EPHA2: variants seen among roughly 807,000 people sequenced by gnomAD.
EPHA2 encodes the protein EPH receptor A2, also known as ephrin type-A receptor 2.
A neutral mutation model predicts 104.9 loss-of-function variants in EPHA2; 54 were observed. The ratio of observed to expected loss-of-function variants is 0.51; its 90% CI spans 0.41 to 0.65. EPHA2 has a LOEUF of 0.65. Ranked by LOEUF, EPHA2 falls within the 30% of genes least tolerant of loss-of-function variation. EPHA2 has a pLI of 0.00. For missense variants in EPHA2, 1,117 were observed against 1,369.5 expected (o/e 0.82, Z 2.91); for synonymous variants, 560 against 559.1 (o/e 1.00, Z -0.02).
Position 16,155,972 on chromosome 1 carries a change from G to A in EPHA2, c.-40C>T. On this transcript the variant is annotated 5_prime_UTR_variant, in exon 1 of 17. Transcript: ENST00000358432. ...TCTCGGTCCGATCCCCCCGAGCCCG[G>A]CTCCCGCACACCCGCACGCCTGCAC... 1 of 1,458,746 alleles carries A rather than the reference G, an allele frequency of 6.9e-7. No individual in the cohort carries two copies. Among genetic ancestry groups the A allele is most frequent in the Non-Finnish European group, 9.0e-7 (1 of 1,108,394 alleles). The allele number at this position is 1,458,746 out of a possible 1,614,324, so 90.4% of individuals were successfully genotyped here.
rs1211474321 is a variant in EPHA2, at chr1:16,124,760, G to A, written c.*455C>T. On this transcript the variant is annotated 3_prime_UTR_variant, in exon 17 of 17. Transcript: ENST00000358432. The stretch of plus-strand genomic sequence containing the variant: ...AGAAGGCACTAGAGGGACAGGGACC[G>A]CTTTGGGTCTCACCCAGTCAAGTTC... 1 of 182,752 alleles carries A rather than the reference G, an allele frequency of 5.5e-6. No individual in the cohort carries two copies. Among genetic ancestry groups the A allele is most frequent in the Non-Finnish European group, 1.2e-5 (1 of 84,638 alleles). The allele number at this position is 182,752 out of a possible 1,614,324, so 11.3% of individuals were successfully genotyped here.
rs2024926284 is a variant in EPHA2, at chr1:16,146,056, G to A, written c.823+2322C>T. Among the ~76,000 whole-genome samples the A allele has an allele frequency of 2.6e-5, 4 of 152,362 alleles. 1 individual carries two copies. In the South Asian group the frequency reaches 8.3e-4, roughly 32 times the overall value. On this transcript the variant is annotated intron_variant, in intron 3 of 16. Transcript: ENST00000358432. ...GCGACTGTCATCACTTCCAGCAGCA[G>A]CATGGCCAGGGGCTGCTGAGAGAAG... is the stretch of plus-strand genomic sequence containing the variant.
At position 16,130,470 on chromosome 1, in the gene EPHA2, C is replaced by T. The variant is rs745459653; in HGVS notation, c.2476-51G>A. 3 of 1,502,486 alleles carry T rather than the reference C, an allele frequency of 2.0e-6. No homozygotes were observed. Among genetic ancestry groups the T allele is most frequent in the Admixed American group, 2.2e-5 (1 of 46,048 alleles). 93.1% of individuals were successfully genotyped at this position (1,502,486 alleles called of 1,614,324 possible). ...GCTGTTGCAGAAAGCCACTGAAACC[C>T]TCTGCAGCCTCCAGCCTATGGAGGT... On this transcript the variant is annotated intron_variant, in intron 14 of 16. Transcript: ENST00000358432. This position sits in a 1 kb window ranked among gnomAD's most constrained non-coding sequence, Gnocchi z 4.5.
At chr1:16,126,194 C>T (rs1239493214) in intron 16 of EPHA2, among the ~76,000 whole-genome samples, 1 of 152,174 alleles carries the variant, frequency 6.6e-6, no homozygotes, top group Admixed American at 6.5e-5. Context: ...ACACGCTCTC[C>T]TGGGGCCCCC....
rs1179569761 is a variant in EPHA2, at chr1:16,155,875, C to A, written c.58G>T (p.Ala20Ser). The A allele has an allele frequency of 9.6e-6, 14 of 1,461,916 alleles. No homozygotes were observed. The highest frequency in any genetic ancestry group is 1.2e-5 in the Non-Finnish European group (13 of 1,113,810). 90.6% of individuals were successfully genotyped at this position (1,461,916 alleles called of 1,614,324 possible). A position where few individuals can be genotyped will look rare whatever the true frequency, so the allele number is the denominator to read the frequency against. Reference protein sequence around the residue: ...FALLWGCALAAAAAAQGKEVV... With the variant: ...FALLWGCALASAAAAQGKEVV... Reference sequence around the variant, plus strand: ...TCCTTGCCCTGCGCCGCCGCGGCCGCGGCCAGCGCACAGCCCCACAGCAGG... The same window carrying A: ...TCCTTGCCCTGCGCCGCCGCGGCCGAGGCCAGCGCACAGCCCCACAGCAGG... The change falls in exon 1 of 17, where the codon GCG becomes TCG. Residue 20 changes from alanine to serine, a missense_variant. By Grantham distance (99) the Ala-to-Ser change is moderately conservative. Coordinates refer to ENST00000358432, the MANE Select transcript of EPHA2 (RefSeq NM_004431.5).
chr1:16,153,227 A>T, intron 1 of EPHA2: 1 of 985,288 alleles, frequency 1.0e-6, no homozygotes, highest in Non-Finnish European at 1.2e-6. Context: ...TCTTCCACAA[A>T]TGCAGGACTG....
In EPHA2 at chr1:16,143,691, G is replaced by A. The variant is rs530141696; in HGVS notation, c.823+4687C>T. Among the ~76,000 whole-genome samples the A allele has an allele frequency of 4.6e-5, 7 of 152,286 alleles. No homozygotes were observed. In the South Asian group the frequency reaches 1.5e-3, roughly 32 times the overall value. On this transcript the variant is annotated intron_variant, in intron 3 of 16. Coordinates refer to ENST00000358432, the MANE Select transcript of EPHA2 (RefSeq NM_004431.5). ...CAGGCTGGCAATGGCAAGGTTGTGA[G>A]GTCAAGAGGTCATGGTGGCAATTCA... is the stretch of plus-strand genomic sequence containing the variant.
At chr1:16,126,322 C>A (rs1263496141) in intron 16 of EPHA2, among the ~76,000 whole-genome samples, 1 of 152,214 alleles carries the variant, frequency 6.6e-6, no homozygotes, top group Admixed American at 6.5e-5. Context: ...CTAGCCCAAA[C>A]CCATGAAAAC....
chr1:16,127,146 C>G (rs1033861625), intron 16 of EPHA2, among the ~76,000 whole-genome samples: 1 of 152,048 alleles, frequency 6.6e-6, no homozygotes, highest in Non-Finnish European at 1.5e-5. Flanking sequence ...TGCAGGGAGA[C>G]GGGAGTAAGA....
chr1:16,152,067 G>C (rs1392270772), intron 1 of EPHA2, among the ~76,000 whole-genome samples: 2 of 152,226 alleles, frequency 1.3e-5, no homozygotes, highest in Non-Finnish European at 2.9e-5. Context: ...GGAGATAGGA[G>C]AAACCGGGGC....
Position 16,130,430 on chromosome 1 carries a change from A to T in EPHA2, c.2476-11T>A. 1 of 1,543,460 alleles carries T rather than the reference A, an allele frequency of 6.5e-7. No individual in the cohort carries two copies. Among genetic ancestry groups the T allele is most frequent in the Non-Finnish European group, 8.8e-7 (1 of 1,141,800 alleles). On this transcript the variant is annotated splice_polypyrimidine_tract_variant and intron_variant, in intron 14 of 16. Transcript: ENST00000358432. This position sits in a 1 kb window ranked among gnomAD's most constrained non-coding sequence, Gnocchi z 4.5. ...GATGGCTTTCATCACCTGGCGGGGC[A>T]CGAAGGTCAGGGGCGCTGTTGCAGA... is the stretch of plus-strand genomic sequence containing the variant.
rs968776397 is a variant in EPHA2, at chr1:16,124,635, A to T, written c.*580T>A. On this transcript the variant is annotated 3_prime_UTR_variant, in exon 17 of 17. Coordinates refer to ENST00000358432, the MANE Select transcript of EPHA2 (RefSeq NM_004431.5). ...ACACATTCTCTCCACAAAGTACAAAATATATATTTAAAAACCTCAACACAA... is the reference window on the plus strand; with the variant it reads ...ACACATTCTCTCCACAAAGTACAAATTATATATTTAAAAACCTCAACACAA... 6.4e-6 allele frequency: 1 copy of T among 155,408 alleles called. No homozygotes were observed. The highest frequency in any genetic ancestry group is 2.4e-5 in the African/African-American group (1 of 41,470). 9.6% of individuals were successfully genotyped at this position (155,408 alleles called of 1,614,324 possible).
chr1:16,143,017 G>A (rs62653852), intron 3 of EPHA2, among the ~76,000 whole-genome samples: 116 of 54,734 alleles, frequency 2.1e-3, no homozygotes, highest in Middle Eastern at 8.8e-3. Context: ...GGATGGATGG[G>A]TGGATAGGTG....
intron 3 of EPHA2, among the ~76,000 whole-genome samples, chr1:16,142,355 T>C (rs1307243986): frequency 6.6e-6 from 1 of 152,248 alleles, no homozygotes; most frequent in African/African-American, 2.4e-5. Flanking sequence ...TATGCTCCAT[T>C]TGAAATTATT....
intron 3 of EPHA2, among the ~76,000 whole-genome samples, chr1:16,139,553 G>A (rs773262814): frequency 2.0e-5 from 3 of 152,188 alleles, no homozygotes; most frequent in Admixed American, 6.5e-5. Context: ...CAAGACAGAG[G>A]GAGGAAACAA....
chr1:16,155,909 G>C lies in EPHA2; in HGVS notation c.24C>G (p.Ala8=). ...CACAGCCCCACAGCAGGGCGAAGCA[G>C]GCGCGGGCTGCCTGGAGCTCCATGC... MELQAAR[A]CFALLWGCAL... Residue 8 remains alanine, a synonymous_variant, in exon 1 of 17, where the codon GCC becomes GCG. Coordinates refer to ENST00000358432, the MANE Select transcript of EPHA2 (RefSeq NM_004431.5). 1 of 1,489,244 alleles carries C rather than the reference G, an allele frequency of 6.7e-7. No homozygotes were observed. The highest frequency in any genetic ancestry group is 8.9e-7 in the Non-Finnish European group (1 of 1,127,234). 92.3% of individuals were successfully genotyped at this position (1,489,244 alleles called of 1,614,324 possible). A position where few individuals can be genotyped will look rare whatever the true frequency, so the allele number is the denominator to read the frequency against.
intron 3 of EPHA2, among the ~76,000 whole-genome samples, chr1:16,141,015 G>A (rs2124237410): frequency 6.6e-6 from 1 of 152,324 alleles, no homozygotes; most frequent in African/African-American, 2.4e-5. Flanking sequence ...TTACAGGCGT[G>A]AGCCACCTCA....
Position 16,128,840 on chromosome 1 carries a change from C to A in EPHA2, c.2825+594G>T, listed in dbSNP as rs57471177. 6.6e-6 allele frequency among the ~76,000 whole-genome samples: 1 copy of A among 152,042 alleles called. No homozygotes were observed. Among genetic ancestry groups the A allele is most frequent in the Non-Finnish European group, 1.5e-5 (1 of 67,998 alleles). ...AGCCAACCAAGTGGAGAGAGGTGCC[C>A]GGGGTAGGCCAGGGGTTCTCTCTCC... On this transcript the variant is annotated intron_variant, in intron 16 of 16. Transcript: ENST00000358432. This position sits in a 1 kb window ranked among gnomAD's most constrained non-coding sequence, Gnocchi z 4.7.
rs1220776092 is a variant in EPHA2 at position 16,125,988 on chromosome 1, G to A, written c.2826-668C>T. ...CGAGTCTTCATGGGTGAGGCTTGCGGGTCACCAGATCCAGTGACTAGGAAG... is the reference window on the plus strand; with the variant it reads ...CGAGTCTTCATGGGTGAGGCTTGCGAGTCACCAGATCCAGTGACTAGGAAG... On this transcript the variant is annotated intron_variant, in intron 16 of 16. Coordinates refer to ENST00000358432, the MANE Select transcript of EPHA2 (RefSeq NM_004431.5). This position sits in a 1 kb window ranked among gnomAD's most constrained non-coding sequence, Gnocchi z 4.9. 6.6e-6 allele frequency among the ~76,000 whole-genome samples: 1 copy of A among 152,206 alleles called. No homozygotes were observed. The highest frequency in any genetic ancestry group is 1.9e-4 in the East Asian group (1 of 5,200).
Sources: gnomAD v4.1 joint callset for allele counts (sites outside exome capture counted in the v4.1 genomes callset) on GRCh38, gnomAD v4.1.1 for gene constraint, Gnocchi (gnomAD v3.1) non-coding constraint, MANE v1.5 for transcripts, NCBI Gene and HGNC (gene_info 2026-07-23, HGNC 2026-07-21) for gene names.